CLEC19A: variants seen among roughly 807,000 people sequenced by gnomAD.
The protein encoded by CLEC19A is C-type lectin domain containing 19A.
A neutral mutation model predicts 26.1 loss-of-function variants in CLEC19A; 21 were observed. The observed-to-expected ratio is 0.80, with a 90% CI of 0.57 to 1.16. The LOEUF (loss-of-function observed/expected upper bound fraction) is 1.16. CLEC19A is among the 50% of genes most tolerant of loss of function. The pLI is 0.00. For synonymous variants in CLEC19A, 89 were observed against 88.6 expected (o/e 1.00, Z -0.03); for missense variants, 224 against 227.6 (o/e 0.98, Z 0.10).
intron 1 of CLEC19A, 118 bp downstream of exon 1, chr16:19,286,057 C>G: frequency 1.1e-6 from 1 of 917,520 alleles, no homozygotes; most frequent in Non-Finnish European, 1.7e-6. Flanking sequence ...ACCCGAGTCT[C>G]CTGACAGCTT....
At chr16:19,286,315 G>A (rs1897469610) in intron 1 of CLEC19A, among the ~76,000 whole-genome samples, 1 of 152,240 alleles carries the variant, frequency 6.6e-6, no homozygotes, top group Non-Finnish European at 1.5e-5. Context: ...ATCTGAACAT[G>A]GTAGTTTTGT....
intron 1 of CLEC19A, among the ~76,000 whole-genome samples, chr16:19,288,600 G>C (rs1230971747): frequency 6.6e-6 from 1 of 152,096 alleles, no homozygotes; most frequent in Non-Finnish European, 1.5e-5. Flanking sequence ...TAGAGACTTG[G>C]GAGGATTTAG....
Position 19,298,776 on chromosome 16 carries a change from C to G in CLEC19A, c.192C>G (p.Ala64=), listed in dbSNP as rs1348293265. Residue 64 remains alanine, a synonymous_variant, in exon 2 of 5, where the codon GCC becomes GCG. Transcript: ENST00000636231. ...FFPLNKTWAE[A]DLYCSEFSVG... is the part of the protein sequence containing the mutation. ...CTCTCAATAAGACCTGGGCTGAGGC[C>G]GACCTCTACTGTTCTGAGTTCTCTG... 1 of 1,550,704 alleles carries G rather than the reference C, an allele frequency of 6.4e-7. No homozygotes were observed. The highest frequency in any genetic ancestry group is 1.2e-5 in the South Asian group (1 of 84,030).
rs1293658514 is a variant in CLEC19A, at chr16:19,309,425, C to T, written c.*342C>T. On this transcript the variant is annotated 3_prime_UTR_variant, in exon 5 of 5. Coordinates refer to ENST00000636231, the MANE Select transcript of CLEC19A (RefSeq NM_001256720.2). ...ACTTTGGCATATGCTAAGTGGCTAG[C>T]TCCTGCTTAGCTGTACATCTTTGGA... The T allele has an allele frequency of 5.9e-6, 1 of 170,366 alleles. No homozygotes were observed. The allele number at this position is 170,366 out of a possible 1,614,324, so 10.6% of individuals were successfully genotyped here.
intron 3 of CLEC19A, 37 bp downstream of exon 3, chr16:19,304,192 T>A (rs1399830217): frequency 6.6e-7 from 1 of 1,506,332 alleles, no homozygotes; most frequent in South Asian, 1.2e-5. Context: ...CCTTGGAAGC[T>A]CCAGCCAGGA....
intron 2 of CLEC19A, chr16:19,303,792 T>C (rs1165089849): frequency 2.8e-6 from 1 of 351,616 alleles, no homozygotes; most frequent in Non-Finnish European, 5.3e-6. Context: ...ATAATCCACC[T>C]CATTTGCTAG....
rs1484752432 is a variant in CLEC19A, at chr16:19,285,789, A to T, written c.-63A>T. ...CCCTAGGAGAGCAATCCTGGACCCAAGCTCCAGCCAAAAAGCCTCTCTCCT... is the reference window on the plus strand; with the variant it reads ...CCCTAGGAGAGCAATCCTGGACCCATGCTCCAGCCAAAAAGCCTCTCTCCT... On this transcript the variant is annotated 5_prime_UTR_variant, in exon 1 of 5. It adds an upstream start codon to the 5' untranslated region. Coordinates refer to ENST00000636231, the MANE Select transcript of CLEC19A (RefSeq NM_001256720.2). 12 of 1,446,720 alleles carry T rather than the reference A, an allele frequency of 8.3e-6. No homozygotes were observed. The highest frequency in any genetic ancestry group is 1.1e-5 in the Non-Finnish European group (12 of 1,054,776). The allele number at this position is 1,446,720 out of a possible 1,614,324, so 89.6% of individuals were successfully genotyped here.
intron 3 of CLEC19A, among the ~76,000 whole-genome samples, chr16:19,306,085 C>T (rs940145517): frequency 3.3e-5 from 5 of 151,788 alleles, no homozygotes; most frequent in African/African-American, 4.8e-5. Flanking sequence ...CCTCGTGATC[C>T]GCCCGCCTCA....
intron 1 of CLEC19A, among the ~76,000 whole-genome samples, chr16:19,290,478 C>T (rs1000253642): frequency 2.6e-5 from 4 of 152,290 alleles, no homozygotes; most frequent in Non-Finnish European, 4.4e-5. Context: ...ACTGTGTCCT[C>T]CCCCCGGAAC....
chr16:19,297,726 C>T (rs1404165279), intron 1 of CLEC19A, among the ~76,000 whole-genome samples: 1 of 152,054 alleles, frequency 6.6e-6, no homozygotes, highest in Non-Finnish European at 1.5e-5. Flanking sequence ...GTCAGAATAT[C>T]GACTGGTATG....
intron 3 of CLEC19A, 80 bp from the exon 4 acceptor site, chr16:19,307,465 C>T (rs1897980714): frequency 2.0e-6 from 3 of 1,508,026 alleles, no homozygotes; most frequent in Non-Finnish European, 2.7e-6. Flanking sequence ...GCTAAGACGT[C>T]TGAGCTGGAG....
intron 1 of CLEC19A, among the ~76,000 whole-genome samples, chr16:19,291,956 G>A (rs1372087714): frequency 1.3e-5 from 2 of 152,216 alleles, no homozygotes; most frequent in African/African-American, 4.8e-5. Context: ...ACCAGAATGG[G>A]GAGGTGGGGT....
chr16:19,306,990 A>G (rs1333205953), intron 3 of CLEC19A, among the ~76,000 whole-genome samples: 1 of 152,210 alleles, frequency 6.6e-6, no homozygotes, highest in East Asian at 1.9e-4. Flanking sequence ...TCCACAGTTA[A>G]TTTGCACATT....
chr16:19,301,708 C>T (rs972056476), intron 2 of CLEC19A, among the ~76,000 whole-genome samples: 6 of 140,332 alleles, frequency 4.3e-5, no homozygotes, highest in African/African-American at 7.9e-5. Flanking sequence ...GGACTACAGG[C>T]GCATGACACC....
At chr16:19,298,062 C>T (rs964482873) in intron 1 of CLEC19A, among the ~76,000 whole-genome samples, 1 of 151,778 alleles carries the variant, frequency 6.6e-6, no homozygotes, top group African/African-American at 2.4e-5. Context: ...AGCAGCCTGA[C>T]CAACATGGAG....
chr16:19,295,589 G>A (rs1177670948), intron 1 of CLEC19A, among the ~76,000 whole-genome samples: 3 of 152,090 alleles, frequency 2.0e-5, no homozygotes, highest in Non-Finnish European at 4.4e-5. Context: ...TGAGTATGTA[G>A]GGTGCCAAGT....
At chr16:19,307,700 C>A (rs1167841654) in intron 4 of CLEC19A, 23 bp downstream of exon 4, 7 of 1,547,204 alleles carry the variant, frequency 4.5e-6, no homozygotes, top group Non-Finnish European at 6.1e-6. Context: ...GAGACCAAGG[C>A]TCTTGCAGGG....
At position 19,310,874 on chromosome 16, in the gene CLEC19A, A is replaced by G. The variant is rs1416336273; in HGVS notation, c.*1791A>G. On this transcript the variant is annotated 3_prime_UTR_variant, in exon 5 of 5. Transcript: ENST00000636231. ...AATTAGATAGTGGTAATGGCTGCAC[A>G]ATATTGTAAATGTACAAGAAGCCAC... 1.3e-5 allele frequency: 2 copies of G among 152,260 alleles called. No individual in the cohort carries two copies. The highest frequency in any genetic ancestry group is 4.8e-5 in the African/African-American group (2 of 41,468). The allele number at this position is 152,260 out of a possible 1,614,324, so 9.4% of individuals were successfully genotyped here.
At chr16:19,290,157 C>G (rs1459992839) in intron 1 of CLEC19A, among the ~76,000 whole-genome samples, 1 of 152,074 alleles carries the variant, frequency 6.6e-6, no homozygotes, top group Non-Finnish European at 1.5e-5. Flanking sequence ...GCCCTGAGTT[C>G]CACTGATGTG....
Sources: gnomAD v4.1 joint callset for allele counts (sites outside exome capture counted in the v4.1 genomes callset) on GRCh38, gnomAD v4.1.1 for gene constraint, MANE v1.5 for transcripts, NCBI Gene and HGNC (gene_info 2026-07-23, HGNC 2026-07-21) for gene names.